ASTN1: variants seen among roughly 807,000 people sequenced by gnomAD.
ASTN1 encodes the protein astrotactin 1, also known as astrotactin-1.
Under a neutral mutation model 140.7 loss-of-function variants are expected in ASTN1, and 41 were observed. The observed-to-expected ratio is 0.29, with a 90% CI of 0.23 to 0.38. The LOEUF is 0.38. Among genes scored for constraint, ASTN1 ranks in the 10% least tolerant of loss-of-function variants. ASTN1 has a pLI of 1.00. For missense variants in ASTN1, 1,479 were observed against 1,678.8 expected, an observed-to-expected ratio of 0.88 and a Z score of 2.08; for synonymous variants, 640 against 652.2, an observed-to-expected ratio of 0.98 and a Z score of 0.29.
At chr1:176,927,108 G>A (rs1671003420) in intron 16 of ASTN1, among the ~76,000 whole-genome samples, 1 of 152,204 alleles carries the variant, frequency 6.6e-6, no homozygotes, top group South Asian at 2.1e-4. Flanking sequence ...ATTTACCGCT[G>A]CTTAGAGCCT....
chr1:177,127,870 T>C (rs938381598), intron 1 of ASTN1, among the ~76,000 whole-genome samples: 1 of 152,236 alleles, frequency 6.6e-6, no homozygotes, highest in Non-Finnish European at 1.5e-5. Context: ...CGTAAATGTT[T>C]GCTGTAGATG....
chr1:177,129,775 T>C (rs1681852001), intron 1 of ASTN1, among the ~76,000 whole-genome samples: 1 of 152,118 alleles, frequency 6.6e-6, no homozygotes, highest in Admixed American at 6.5e-5. Context: ...GAGACCATCC[T>C]GGCTAACACG....
At chr1:176,982,242 CAG>C (rs1420526468) in intron 8 of ASTN1, among the ~76,000 whole-genome samples, 3 of 152,130 alleles carry the variant, frequency 2.0e-5, no homozygotes, top group East Asian at 3.9e-4. Context: ...AGGGGGAAGA[CAG>C]AGAATCAGAT....
intron 1 of ASTN1, among the ~76,000 whole-genome samples, chr1:177,141,109 G>A (rs772496947): frequency 3.9e-5 from 6 of 152,084 alleles, no homozygotes; most frequent in Admixed American, 1.3e-4. Context: ...CCAGCTACTC[G>A]GGAGGCTGAG....
At chr1:176,877,286 A>C (rs924772274) in intron 20 of ASTN1, among the ~76,000 whole-genome samples, 1 of 152,182 alleles carries the variant, frequency 6.6e-6, no homozygotes, top group African/African-American at 2.4e-5. Flanking sequence ...GTTCCTTCCC[A>C]TGTGCAGTCA....
intron 1 of ASTN1, among the ~76,000 whole-genome samples, chr1:177,089,566 CAT>C (rs552277555): frequency 3.6e-4 from 55 of 152,252 alleles, no homozygotes; most frequent in South Asian, 1.7e-3. Context: ...CCAGGGTACA[CAT>C]GTTTGCACAC....
chr1:177,134,357 T>C (rs1344116918), intron 1 of ASTN1, among the ~76,000 whole-genome samples: 2 of 152,210 alleles, frequency 1.3e-5, no homozygotes, highest in African/African-American at 2.4e-5. Context: ...GCTCTTACAG[T>C]TCTGATCTTG....
intron 16 of ASTN1, among the ~76,000 whole-genome samples, chr1:176,922,264 CAG>C (rs1571513290): frequency 6.6e-6 from 1 of 152,144 alleles, no homozygotes; most frequent in East Asian, 1.9e-4. Context: ...TGTGAGGAAT[CAG>C]AGTTATCTGC....
intron 8 of ASTN1, among the ~76,000 whole-genome samples, chr1:177,008,876 GC>G (rs1675144305): frequency 1.3e-5 from 2 of 152,120 alleles, no homozygotes; most frequent in Non-Finnish European, 2.9e-5. Context: ...TAAAGAAACA[GC>G]CATAGTCTGG....
intron 1 of ASTN1, among the ~76,000 whole-genome samples, chr1:177,100,809 C>A (rs887053609): frequency 1.3e-5 from 2 of 152,146 alleles, no homozygotes; most frequent in Non-Finnish European, 2.9e-5. Flanking sequence ...AATGTGAAGA[C>A]CGGCTGGGCA....
chr1:177,086,924 GT>G (rs1679499013), intron 1 of ASTN1, among the ~76,000 whole-genome samples: 1 of 152,272 alleles, frequency 6.6e-6, no homozygotes, highest in African/African-American at 2.4e-5. Flanking sequence ...TACTTTGGGT[GT>G]TTTGTTTGTC....
chr1:177,065,449 G>A (rs891929125), intron 1 of ASTN1, among the ~76,000 whole-genome samples: 1 of 152,170 alleles, frequency 6.6e-6, no homozygotes, highest in Non-Finnish European at 1.5e-5. Flanking sequence ...TCTCAAAGAG[G>A]TTTCAATCTA....
intron 1 of ASTN1, among the ~76,000 whole-genome samples, chr1:177,066,234 C>G (rs1453311350): frequency 2.0e-5 from 3 of 152,110 alleles, no homozygotes; most frequent in Non-Finnish European, 2.9e-5. Context: ...AGAGCCAGGC[C>G]ATGTTCCCAC....
chr1:177,030,013 C>T (rs1329360026), intron 4 of ASTN1, among the ~76,000 whole-genome samples: 9 of 152,190 alleles, frequency 5.9e-5, no homozygotes, highest in Admixed American at 5.9e-4. Flanking sequence ...AGAGGACCTC[C>T]AGGGAAAGTG....
At chr1:176,860,132 A>C (rs6693679), downstream of ASTN1, among the ~76,000 whole-genome samples, 34,217 of 152,126 alleles carry the variant, frequency 0.22, 5,346 homozygotes, top group African/African-American at 0.44. Flanking sequence ...GTTCCAGAGA[A>C]GCAGGCAGAA....
chr1:176,868,396 C>G (rs560849639), intron 22 of ASTN1, among the ~76,000 whole-genome samples: 26 of 152,188 alleles, frequency 1.7e-4, no homozygotes, highest in Non-Finnish European at 3.7e-4. Context: ...TTTGGCTACT[C>G]TCATGTTGCA....
chr1:176,888,527 GA>G (rs1046385013), intron 17 of ASTN1, among the ~76,000 whole-genome samples: 3 of 151,996 alleles, frequency 2.0e-5, no homozygotes, highest in Non-Finnish European at 4.4e-5. Flanking sequence ...TTAGGCTCTA[GA>G]AAAAAAATTA....
downstream of ASTN1, among the ~76,000 whole-genome samples, chr1:176,858,181 C>G (rs879427755): frequency 4.6e-5 from 7 of 152,184 alleles, no homozygotes. Context: ...AATCCAATTA[C>G]AGCAGACACT....
chr1:176,998,968 G>A (rs1037168006), intron 8 of ASTN1, among the ~76,000 whole-genome samples: 2 of 152,236 alleles, frequency 1.3e-5, no homozygotes, highest in Admixed American at 1.3e-4. Flanking sequence ...GCCTCACATA[G>A]TTGTGGTTAG....
Sources: allele counts gnomAD v4.1 joint callset (sites outside exome capture counted in the v4.1 genomes callset), GRCh38; gene constraint gnomAD v4.1.1; transcripts MANE v1.5; gene names NCBI Gene and HGNC (gene_info 2026-07-23, HGNC 2026-07-21).